ADGRA3: variants seen among roughly 807,000 people sequenced by gnomAD.
The protein encoded by ADGRA3 is G-protein coupled receptor 125.
A neutral mutation model predicts 119.8 loss-of-function variants in ADGRA3; 56 were observed. That is an observed-to-expected ratio of 0.47 (90% CI 0.38 to 0.58). The LOEUF (loss-of-function observed/expected upper bound fraction) is 0.58, where lower values mean the gene tolerates loss of function less well. ADGRA3 is among the 20% of genes least tolerant of loss of function. ADGRA3 has a pLI of 0.00. For missense variants in ADGRA3, 1,516 were observed against 1,649.0 expected (o/e 0.92, Z 1.40); for synonymous variants, 607 against 623.8 (o/e 0.97, Z 0.40).
intron 1 of ADGRA3, among the ~76,000 whole-genome samples, chr4:22,484,715 G>C (rs530204420): frequency 3.9e-5 from 6 of 152,124 alleles, no homozygotes; most frequent in African/African-American, 1.2e-4. Context: ...AGGTGCTAAG[G>C]AAGTGGCATT....
intron 8 of ADGRA3, 71 bp downstream of exon 8, chr4:22,438,185 A>G: frequency 7.6e-7 from 1 of 1,320,522 alleles, no homozygotes; most frequent in Non-Finnish European, 1.1e-6. Flanking sequence ...CAGGAAACCA[A>G]TAATGTGTCT....
In ADGRA3 at chr4:22,411,306, T is replaced by C. The variant is rs138759805; in HGVS notation, c.2232+1876A>G. 5.8e-4 allele frequency among the ~76,000 whole-genome samples: 88 copies of C among 152,332 alleles called. 1 individual carries two copies. The highest frequency in any genetic ancestry group is 1.9e-3 in the African/African-American group (77 of 41,592). Reference sequence around the variant, plus strand: ...AAATGCCACATACTTTAACGCTTCATGCTTTAATTTAAAAGGTGGCAGTGG... The same window carrying C: ...AAATGCCACATACTTTAACGCTTCACGCTTTAATTTAAAAGGTGGCAGTGG... On this transcript the variant is annotated intron_variant, in intron 14 of 18. Transcript: ENST00000334304.
chr4:22,472,105 C>T (rs149897443), intron 2 of ADGRA3, among the ~76,000 whole-genome samples: 13 of 152,288 alleles, frequency 8.5e-5, no homozygotes, highest in Admixed American at 3.9e-4. Context: ...TTATAAACTA[C>T]GAGTGCCTGC....
intron 1 of ADGRA3, among the ~76,000 whole-genome samples, chr4:22,497,767 A>AAAAAAAG (rs1718892776): frequency 6.6e-6 from 1 of 150,962 alleles, no homozygotes; most frequent in African/African-American, 2.4e-5. Flanking sequence ...CTCAAAAAAA[A>AAAAAAAG]AAAAAAAAAA....
chr4:22,451,696 C>T (rs569869149), intron 4 of ADGRA3, among the ~76,000 whole-genome samples: 27 of 152,164 alleles, frequency 1.8e-4, no homozygotes, highest in Non-Finnish European at 3.4e-4. Context: ...CTAGGCTGTC[C>T]GCCAAGGTCT....
At chr4:22,422,705 T>C (rs1715756090) in intron 11 of ADGRA3, among the ~76,000 whole-genome samples, 1 of 152,158 alleles carries the variant, frequency 6.6e-6, no homozygotes, top group Non-Finnish European at 1.5e-5. Flanking sequence ...CTATGACCTT[T>C]ATTGTACCCT....
chr4:22,513,719 C>T (rs950588868), intron 1 of ADGRA3, among the ~76,000 whole-genome samples: 2 of 151,486 alleles, frequency 1.3e-5, no homozygotes, highest in Non-Finnish European at 2.9e-5. Flanking sequence ...GTCAAGTTGG[C>T]CAGGCTGGTC....
intron 14 of ADGRA3, among the ~76,000 whole-genome samples, chr4:22,412,630 T>C (rs1327498057): frequency 3.3e-5 from 5 of 152,178 alleles, no homozygotes; most frequent in Admixed American, 2.6e-4. Flanking sequence ...CTGTAATTAG[T>C]GTTAACAACG....
At chr4:22,467,421 G>T (rs1043184598) in intron 2 of ADGRA3, among the ~76,000 whole-genome samples, 7 of 152,066 alleles carry the variant, frequency 4.6e-5, no homozygotes, top group African/African-American at 1.7e-4. Context: ...GTATGTTTTT[G>T]ACTTGTTTTG....
intron 1 of ADGRA3, among the ~76,000 whole-genome samples, chr4:22,509,457 C>T (rs1186210245): frequency 6.6e-6 from 1 of 150,380 alleles, no homozygotes; most frequent in East Asian, 2.0e-4. Context: ...GAGCCAAGAT[C>T]GCCCCACTGC....
chr4:22,506,274 C>T (rs533622525), intron 1 of ADGRA3, among the ~76,000 whole-genome samples: 2 of 152,226 alleles, frequency 1.3e-5, no homozygotes, highest in South Asian at 2.1e-4. Context: ...AAAATAAGGC[C>T]GGGCACAGTG....
chr4:22,445,073 T>C lies in ADGRA3; in HGVS notation c.606A>G (p.Val202=). ...CCCGTACCGTGATGTTCTTCTCCTT[T>C]ACCCAGCGATGCATCCACAGTATGT... The part of the protein sequence containing the change: ...DCNILWMHRW[V]KEKNITVRDT... The change falls in exon 6 of 19, where the codon GTA becomes GTG. Residue 202 remains valine (V), a synonymous_variant. Coordinates refer to ENST00000334304, the MANE Select transcript of ADGRA3 (RefSeq NM_145290.4). The C allele has an allele frequency of 3.1e-6, 5 of 1,614,008 alleles. No homozygotes were observed. The highest frequency in any genetic ancestry group is 4.2e-6 in the Non-Finnish European group (5 of 1,179,896).
chr4:22,412,233 C>T (rs921427830), intron 14 of ADGRA3, among the ~76,000 whole-genome samples: 1 of 151,990 alleles, frequency 6.6e-6, no homozygotes, highest in African/African-American at 2.4e-5. Context: ...TTCCTTCCAC[C>T]GTACTCTAAA....
intron 1 of ADGRA3, among the ~76,000 whole-genome samples, chr4:22,502,454 G>C (rs905985464): frequency 1.3e-5 from 2 of 152,168 alleles, no homozygotes; most frequent in Admixed American, 6.5e-5. Flanking sequence ...TCATATGCTA[G>C]ACAGCAATAG....
chr4:22,435,891 G>A (rs1716373059), intron 9 of ADGRA3, among the ~76,000 whole-genome samples: 1 of 152,086 alleles, frequency 6.6e-6, no homozygotes, highest in Admixed American at 6.5e-5. Flanking sequence ...GCCATGCACT[G>A]CCAGTAATGT....
intron 1 of ADGRA3, among the ~76,000 whole-genome samples, chr4:22,484,278 T>TA (rs1195206238): frequency 2.6e-5 from 4 of 152,174 alleles, no homozygotes; most frequent in African/African-American, 9.7e-5. Context: ...ATTCTTTTAA[T>TA]AGTCATGTAA....
At chr4:22,396,708 C>G (rs932170729) in intron 16 of ADGRA3, among the ~76,000 whole-genome samples, 1 of 152,126 alleles carries the variant, frequency 6.6e-6, no homozygotes, top group Non-Finnish European at 1.5e-5. Context: ...CTATGTCTTT[C>G]ATCAAAGGGA....
intron 1 of ADGRA3, among the ~76,000 whole-genome samples, chr4:22,507,720 C>G (rs560332665): frequency 6.6e-6 from 1 of 152,174 alleles, no homozygotes; most frequent in Non-Finnish European, 1.5e-5. Context: ...AAGCTTACAA[C>G]TTGCATTCAT....
At chr4:22,427,331 G>C (rs898789563) in intron 10 of ADGRA3, among the ~76,000 whole-genome samples, 2 of 152,010 alleles carry the variant, frequency 1.3e-5, no homozygotes, top group Non-Finnish European at 2.9e-5. Context: ...GAATTTTATA[G>C]GGACCTGACA....
Sources: allele counts gnomAD v4.1 joint callset (sites outside exome capture counted in the v4.1 genomes callset), GRCh38; gene constraint gnomAD v4.1.1; transcripts MANE v1.5; gene names NCBI Gene and HGNC (gene_info 2026-07-23, HGNC 2026-07-21).